Variants in CGNL1 observed in about 807,000 individuals in gnomAD.
CGNL1 encodes cingulin-like protein 1.
CGNL1 carries 132 observed loss-of-function variants against 141.2 expected under a neutral mutation model. The ratio of observed to expected loss-of-function variants is 0.93; its 90% CI spans 0.81 to 1.08. CGNL1 has a LOEUF of 1.08. Among genes scored for constraint, CGNL1 ranks in the 50% least tolerant of loss-of-function variants. The pLI is 0.00. For missense variants in CGNL1, 1,870 were observed against 1,588.6 expected, an observed-to-expected ratio of 1.18 and a Z score of -3.01; for synonymous variants, 690 against 622.1, an observed-to-expected ratio of 1.11 and a Z score of -1.63.
chr15:57,532,215 G>A (rs1167381680), intron 14 of CGNL1, among the ~76,000 whole-genome samples: 1 of 152,164 alleles, frequency 6.6e-6, no homozygotes, highest in African/African-American at 2.4e-5. Flanking sequence ...GTATCCACAG[G>A]TGTCTTGTAA....
chr15:57,541,891 C>T (rs1692974346), intron 14 of CGNL1, among the ~76,000 whole-genome samples: 1 of 152,206 alleles, frequency 6.6e-6, no homozygotes, highest in Non-Finnish European at 1.5e-5. Flanking sequence ...TTTCTTTGGA[C>T]CACCTGGTAC....
chr15:57,506,701 G>A (rs1209809134), intron 8 of CGNL1, among the ~76,000 whole-genome samples: 2 of 152,162 alleles, frequency 1.3e-5, no homozygotes, highest in South Asian at 2.1e-4. Context: ...TCAGAGAACC[G>A]GGTTCAAGTC....
At chr15:57,506,119 C>T (rs1336556367) in intron 8 of CGNL1, among the ~76,000 whole-genome samples, 2 of 152,196 alleles carry the variant, frequency 1.3e-5, no homozygotes, top group African/African-American at 2.4e-5. Flanking sequence ...GATTTGTAAT[C>T]ATTTGTAAAG....
intron 1 of CGNL1, among the ~76,000 whole-genome samples, chr15:57,417,859 C>G (rs1021583659): frequency 6.6e-6 from 1 of 152,108 alleles, no homozygotes; most frequent in Admixed American, 6.5e-5. Flanking sequence ...GGGAAAGGGT[C>G]TAGGGAGGTG....
chr15:57,537,276 T>A (rs1221215990), intron 14 of CGNL1, among the ~76,000 whole-genome samples: 1 of 152,192 alleles, frequency 6.6e-6, no homozygotes, highest in Non-Finnish European at 1.5e-5. Context: ...CAAGGCTGCC[T>A]TGTTGCCTCG....
At chr15:57,411,537 A>G (rs1849707099) in intron 1 of CGNL1, among the ~76,000 whole-genome samples, 1 of 150,296 alleles carries the variant, frequency 6.7e-6, no homozygotes. Context: ...TCCACCTACC[A>G]GGTTCAAGCA....
chr15:57,490,880 T>C (rs1299128408), intron 8 of CGNL1, among the ~76,000 whole-genome samples: 3 of 152,218 alleles, frequency 2.0e-5, no homozygotes, highest in African/African-American at 4.8e-5. Context: ...AATGACACTT[T>C]ACCTTCATGG....
At chr15:57,453,622 G>A (rs1172302414) in intron 6 of CGNL1, 61 bp from the exon 7 acceptor site, 1 of 1,598,284 alleles carries the variant, frequency 6.3e-7, no homozygotes, top group African/African-American at 1.3e-5. Context: ...TCAGAAATCA[G>A]ACTGGATGGA....
At chr15:57,513,212 G>A (rs1311580434) in intron 8 of CGNL1, among the ~76,000 whole-genome samples, 1 of 150,754 alleles carries the variant, frequency 6.6e-6, no homozygotes, top group African/African-American at 2.4e-5. Flanking sequence ...TTCTGTCTCC[G>A]TAGATTTGCT....
chr15:57,499,073 G>T (rs1216740561), intron 8 of CGNL1, among the ~76,000 whole-genome samples: 1 of 152,050 alleles, frequency 6.6e-6, no homozygotes, highest in Non-Finnish European at 1.5e-5. Context: ...TGTGGGGATG[G>T]ATTGGAAAGG....
chr15:57,545,734 G>A, intron 17 of CGNL1, 34 bp downstream of exon 17: 3 of 1,547,792 alleles, frequency 1.9e-6, no homozygotes, highest in South Asian at 2.3e-5. Flanking sequence ...GCTCTTAGAT[G>A]AGATTGCGTG....
At position 57,444,372 on chromosome 15, in the gene CGNL1, T is replaced by C. The variant is rs114848647; in HGVS notation, c.1803+1894T>C. Among the ~76,000 whole-genome samples the C allele has an allele frequency of 5.0e-3, 755 of 152,342 alleles. 2 individuals carry two copies. Among genetic ancestry groups the C allele is most frequent in the African/African-American group, 0.017 (711 of 41,572 alleles). On this transcript the variant is annotated intron_variant, in intron 4 of 18. Transcript: ENST00000281282. ...GGTTTGGGGCTATTAGGAATAAAGC[T>C]ACTGTGAACATTATTGTACTTGTTT...
At chr15:57,385,799 G>C (rs1331589647) in intron 1 of CGNL1, among the ~76,000 whole-genome samples, 1 of 152,246 alleles carries the variant, frequency 6.6e-6, no homozygotes, top group Non-Finnish European at 1.5e-5. Context: ...TATGACTGGG[G>C]TGGTGATGGC....
intron 4 of CGNL1, among the ~76,000 whole-genome samples, chr15:57,450,160 T>A (rs2063304596): frequency 6.6e-6 from 1 of 152,226 alleles, no homozygotes; most frequent in Non-Finnish European, 1.5e-5. Flanking sequence ...CTGTATCATG[T>A]TGCATTCCCA....
At chr15:57,515,203 T>C (rs888174467) in intron 8 of CGNL1, among the ~76,000 whole-genome samples, 3 of 152,212 alleles carry the variant, frequency 2.0e-5, no homozygotes, top group Non-Finnish European at 4.4e-5. Flanking sequence ...ACCTGAGAAG[T>C]CTCAGCTGTC....
intron 4 of CGNL1, among the ~76,000 whole-genome samples, chr15:57,445,358 T>G (rs1469317782): frequency 6.6e-6 from 1 of 152,236 alleles, no homozygotes; most frequent in Non-Finnish European, 1.5e-5. Flanking sequence ...CATGACTGTT[T>G]AATTGCCACG....
intron 8 of CGNL1, among the ~76,000 whole-genome samples, chr15:57,515,632 A>T (rs2030711399): frequency 6.6e-6 from 1 of 152,178 alleles, no homozygotes; most frequent in Non-Finnish European, 1.5e-5. Context: ...GTGGGGCAGG[A>T]CCATTTCCCA....
chr15:57,547,712 A>G lies in CGNL1; in HGVS notation c.*222A>G. The G allele has an allele frequency of 2.0e-6, 1 of 504,382 alleles. No individual in the cohort carries two copies. Among genetic ancestry groups the G allele is most frequent in the Non-Finnish European group, 3.5e-6 (1 of 289,068 alleles). The allele number at this position is 504,382 out of a possible 1,614,324, so 31.2% of individuals were successfully genotyped here. On this transcript the variant is annotated 3_prime_UTR_variant, in exon 19 of 19. Transcript: ENST00000281282. ...AATGTTGGGATGCCTGAGGACCAGG[A>G]GCCACCACCCACTGGGGTGTTGTGA...
chr15:57,537,941 G>C (rs1241500835), intron 14 of CGNL1, among the ~76,000 whole-genome samples: 1 of 152,250 alleles, frequency 6.6e-6, no homozygotes, highest in Non-Finnish European at 1.5e-5. Flanking sequence ...TACTTTCCCA[G>C]CCTTGAGTTT....
Sources: allele counts gnomAD v4.1 joint callset (sites outside exome capture counted in the v4.1 genomes callset), GRCh38; gene constraint gnomAD v4.1.1; transcripts MANE v1.5; gene names NCBI Gene and HGNC (gene_info 2026-07-23, HGNC 2026-07-21).